Variants in CDON observed in about 807,000 individuals in gnomAD.
CDON encodes cell adhesion associated, oncogene regulated.
Under a neutral mutation model 120.9 loss-of-function variants are expected in CDON, and 73 were observed. The observed-to-expected ratio is 0.60, with a 90% CI of 0.50 to 0.73. The LOEUF (loss-of-function observed/expected upper bound fraction) is 0.73. Ranked by LOEUF, CDON falls within the 30% of genes least tolerant of loss-of-function variation. The probability of loss-of-function intolerance (pLI) is 0.00; values close to 1 mark genes in which losing one functional copy is unlikely to be tolerated. For synonymous variants in CDON, 566 were observed against 573.5 expected, an observed-to-expected ratio of 0.99 and a Z score of 0.19; for missense variants, 1,470 against 1,587.3, an observed-to-expected ratio of 0.93 and a Z score of 1.26.
intron 1 of CDON, among the ~76,000 whole-genome samples, chr11:126,046,509 A>AT (rs34860949): frequency 0.62 from 94,698 of 151,956 alleles, 30,245 homozygotes; most frequent in African/African-American, 0.75. Context: ...TCTAAATAAT[A>AT]TTTTTAAAAA....
In CDON at chr11:125,981,231, C is replaced by T. The variant is rs777302238; in HGVS notation, c.3094G>A (p.Val1032Ile). Residue 1032 changes from valine (V) to isoleucine (I), a missense_variant, in exon 17 of 20, where the codon GTT (valine) becomes ATT (isoleucine). Transcript: ENST00000531738. ...LSGASQINGN[V>I]HGGFLTNGGL... ...CCATTGGTTAGGAAGCCTCCGTGAA[C>T]ATTTCCATTTATCTGACTTGCTCCT... The T allele has an allele frequency of 3.7e-5, 59 of 1,614,204 alleles. No homozygotes were observed. Among genetic ancestry groups the T allele is most frequent in the Non-Finnish European group, 4.8e-5 (57 of 1,180,048 alleles).
At chr11:125,965,240 T>C (rs1185638480) in intron 18 of CDON, among the ~76,000 whole-genome samples, 2 of 152,186 alleles carry the variant, frequency 1.3e-5, no homozygotes, top group Admixed American at 1.3e-4. Flanking sequence ...CAAAAATAAT[T>C]CTTAAAAATT....
chr11:125,984,525 C>T (rs557734183), intron 15 of CDON, among the ~76,000 whole-genome samples: 4 of 151,962 alleles, frequency 2.6e-5, no homozygotes, highest in Non-Finnish European at 5.9e-5. Context: ...AGGGAAACCC[C>T]GTGTCTACTA....
Position 126,004,034 on chromosome 11 carries a change from G to C in CDON, c.1894C>G (p.Arg632Gly), listed in dbSNP as rs752726620. ...AGCTCATTTTCACTTCCTGGGACTC[G>C]AACCGTGTGCCAGCTTCCCAGCATG... ...VGMLGSWHTV[R>G]VPGSENELHL... Residue 632 changes from arginine (R) to glycine (G), a missense_variant, in exon 10 of 20, where the codon CGA (arginine) becomes GGA (glycine). Transcript: ENST00000531738. 1.9e-6 allele frequency: 3 copies of C among 1,613,756 alleles called. No homozygotes were observed. Among genetic ancestry groups the C allele is most frequent in the Non-Finnish European group, 2.5e-6 (3 of 1,180,014 alleles).
intron 16 of CDON, 119 bp downstream of exon 16, chr11:125,983,753 C>G (rs1310278325): frequency 1.3e-6 from 1 of 778,788 alleles, no homozygotes; most frequent in African/African-American, 1.7e-5. Flanking sequence ...TGAAGAGTAT[C>G]TAATGTGTTT....
chr11:126,009,039 C>G (rs893749392), intron 8 of CDON, among the ~76,000 whole-genome samples: 1 of 152,202 alleles, frequency 6.6e-6, no homozygotes, highest in Admixed American at 6.5e-5. Context: ...GGCACCTTCA[C>G]TATACCTGTT....
chr11:126,021,463 G>A lies in CDON; in HGVS notation c.134C>T (p.Pro45Leu), dbSNP rs779057166. 1.9e-6 allele frequency: 3 copies of A among 1,613,818 alleles called. No homozygotes were observed. In the African/African-American group the frequency reaches 4.0e-5, roughly 22 times the overall value. Residue 45 changes from proline to leucine, a missense_variant, in exon 3 of 20, where the codon CCT becomes CTT. By Grantham distance (98) the Pro-to-Leu change is moderately conservative. Coordinates refer to ENST00000531738, the MANE Select transcript of CDON (RefSeq NM_001378964.1). The stretch of plus-strand genomic sequence containing the variant: ...TTGAGCAGAACAATGCAGTACTACA[G>A]GTCCACCAAGTTTCTGGACAGCAGA... Reference protein sequence around the residue: ...PLSAVQKLGGPVVLHCSAQPV... With the variant: ...PLSAVQKLGGLVVLHCSAQPV...
intron 1 of CDON, among the ~76,000 whole-genome samples, chr11:126,032,972 T>A (rs1947984757): frequency 6.6e-6 from 1 of 152,264 alleles, no homozygotes; most frequent in East Asian, 1.9e-4. Flanking sequence ...CGCACCACTG[T>A]ACTCCTAGCC....
intron 1 of CDON, among the ~76,000 whole-genome samples, chr11:126,032,905 G>A (rs1185365576): frequency 6.6e-6 from 1 of 152,174 alleles, no homozygotes; most frequent in Non-Finnish European, 1.5e-5. Flanking sequence ...CTACTTGGGA[G>A]GATGAGGTGG....
chr11:126,043,684 A>G (rs1266935019), intron 1 of CDON, among the ~76,000 whole-genome samples: 2 of 152,224 alleles, frequency 1.3e-5, no homozygotes, highest in Non-Finnish European at 2.9e-5. Flanking sequence ...CCCAGGCCTA[A>G]GCCTTCCCGC....
In CDON at chr11:126,010,613, T is replaced by C. The variant is rs774008444; in HGVS notation, c.1280A>G (p.Asn427Ser). Residue 427 changes from asparagine (N) to serine (S), a missense_variant, in exon 8 of 20, where the codon AAT becomes AGT. Physicochemically the swap from Asn to Ser is conservative, Grantham distance 46. Coordinates refer to ENST00000531738, the MANE Select transcript of CDON (RefSeq NM_001378964.1). ...ADGDFVTLSC[N>S]ASGLPVPVIR... ...GACCGGAACCGGCAGCCCACTGGCA[T>C]TGCAGGACAGAGTAACAAAGTCTCC... 8.1e-6 allele frequency: 13 copies of C among 1,614,046 alleles called. 1 individual carries two copies. Among genetic ancestry groups the C allele is most frequent in the South Asian group, 6.6e-5 (6 of 91,084 alleles).
intron 6 of CDON, among the ~76,000 whole-genome samples, chr11:126,016,214 T>C (rs1266623209): frequency 6.6e-6 from 1 of 152,192 alleles, no homozygotes; most frequent in Non-Finnish European, 1.5e-5. Context: ...GAAACCACTT[T>C]CCACCTAATT....
At chr11:125,999,246 C>A (rs1206620537) in intron 11 of CDON, among the ~76,000 whole-genome samples, 1 of 152,134 alleles carries the variant, frequency 6.6e-6, no homozygotes, top group East Asian at 1.9e-4. Flanking sequence ...TCAAAACTCA[C>A]CAAACACCAC....
At chr11:125,968,973 T>C (rs1390476821) in intron 18 of CDON, among the ~76,000 whole-genome samples, 1 of 152,222 alleles carries the variant, frequency 6.6e-6, no homozygotes, top group Non-Finnish European at 1.5e-5. Context: ...GTTCTGAATA[T>C]AACCAGACAT....
chr11:125,963,042 T>C (rs1945689921), intron 18 of CDON, among the ~76,000 whole-genome samples: 1 of 152,150 alleles, frequency 6.6e-6, no homozygotes, highest in South Asian at 2.1e-4. Flanking sequence ...CTTTTAATTT[T>C]CTGGCTGCTC....
Position 125,960,239 on chromosome 11 carries a change from C to G in CDON, c.*703G>C, listed in dbSNP as rs973837166. ...AATACAGGCCAGACGTGGTGGCTCA[C>G]GCCTGTAATCCTCGCACTTTGGGAG... On this transcript the variant is annotated 3_prime_UTR_variant, in exon 20 of 20. Transcript: ENST00000531738. 1 of 152,560 alleles carries G rather than the reference C, an allele frequency of 6.6e-6. No individual in the cohort carries two copies. Among genetic ancestry groups the G allele is most frequent in the Non-Finnish European group, 1.5e-5 (1 of 68,382 alleles). The allele number at this position is 152,560 out of a possible 1,614,324, so 9.5% of individuals were successfully genotyped here. A position where few individuals can be genotyped will look rare whatever the true frequency, so the allele number is the denominator to read the frequency against.
chr11:125,991,629 G>A (rs1383808590), intron 14 of CDON, among the ~76,000 whole-genome samples: 1 of 151,510 alleles, frequency 6.6e-6, no homozygotes, highest in East Asian at 1.9e-4. Context: ...TTTAAATTTT[G>A]GGTCAATTCA....
intron 18 of CDON, among the ~76,000 whole-genome samples, chr11:125,964,969 C>T (rs1945752043): frequency 6.6e-6 from 1 of 152,192 alleles, no homozygotes; most frequent in Non-Finnish European, 1.5e-5. Context: ...CTCCGTTGCC[C>T]AGGCTGGAGT....
Position 126,017,161 on chromosome 11 carries a change from G to C in CDON, c.855C>G (p.Ser285=), listed in dbSNP as rs141221434. The C allele has an allele frequency of 1.2e-6, 2 of 1,614,094 alleles. No individual in the cohort carries two copies. Among genetic ancestry groups the C allele is most frequent in the East Asian group, 4.5e-5 (2 of 44,872 alleles). Residue 285 remains serine (S), a synonymous_variant, in exon 6 of 20, where the codon TCC becomes TCG. Transcript: ENST00000531738. The stretch of plus-strand genomic sequence containing the variant: ...TTCCCGCCATGCAGGAATAGTTTCC[G>C]GAGTCCGCCGGGTCAACGCTATCAG... ...LATDSVDPAD[S]GNYSCMAGNK... is the part of the protein sequence containing the mutation.
Sources: allele counts gnomAD v4.1 joint callset (sites outside exome capture counted in the v4.1 genomes callset), GRCh38; gene constraint gnomAD v4.1.1; transcripts MANE v1.5; gene names NCBI Gene and HGNC (gene_info 2026-07-23, HGNC 2026-07-21).